Variants in SLC44A4 observed in about 807,000 individuals in gnomAD.
The protein encoded by SLC44A4 is choline transporter-like protein 4.
Under a neutral mutation model 97.0 loss-of-function variants are expected in SLC44A4, and 74 were observed. The observed-to-expected ratio is 0.76, with a 90% CI of 0.63 to 0.93. SLC44A4 has a LOEUF of 0.93. SLC44A4 is among the 40% of genes least tolerant of loss of function. The pLI is 0.00. For missense variants in SLC44A4, 799 were observed against 902.9 expected, an observed-to-expected ratio of 0.88 and a Z score of 1.48; for synonymous variants, 325 against 363.8, an observed-to-expected ratio of 0.89 and a Z score of 1.21.
In SLC44A4 at chr6:31,877,115, G is replaced by GTC. The variant is rs769807146; in HGVS notation, c.41-35_41-34dup. 1.3e-6 allele frequency: 2 copies of GTC among 1,598,476 alleles called. No individual in the cohort carries two copies. The highest frequency in any genetic ancestry group is 2.3e-5 in the South Asian group (2 of 88,542). On this transcript the variant is annotated intron_variant, in intron 1 of 20. Transcript: ENST00000229729. The surrounding 1 kb of genome is among the most constrained non-coding windows in gnomAD (Gnocchi z 6.5). ...ACATGAGAAGAGGTGTGGAGGATGA[G>GTC]TCTCTCTCTGCATATCTTGTCCTGC...
In SLC44A4 at chr6:31,865,740, A is replaced by G. The variant is rs753937134; in HGVS notation, c.1532T>C (p.Leu511Pro). ...CAAGATGACCCGGGCTATCTGCACA[A>G]GGGTCAGGATGAGGGCTCCAAATGC... ...SLAFGALILT[L>P]VQIARVILEY... The change falls in exon 15 of 21, where the codon CTT becomes CCT. Residue 511 changes from leucine to proline, a missense_variant. By Grantham distance (98) the Leu-to-Pro change is moderately conservative (BLOSUM62 -3). Transcript: ENST00000229729. This position sits in a 1 kb window ranked among gnomAD's most constrained non-coding sequence, Gnocchi z 5.2. The G allele has an allele frequency of 1.2e-6, 2 of 1,613,734 alleles. No homozygotes were observed. Among genetic ancestry groups the G allele is most frequent in the Non-Finnish European group, 1.7e-6 (2 of 1,179,960 alleles).
At position 31,865,769 on chromosome 6, in the gene SLC44A4, T is replaced by C. The variant is rs1762827706; in HGVS notation, c.1503A>G (p.Ser501=). 1 of 1,613,732 alleles carries C rather than the reference T, an allele frequency of 6.2e-7. No homozygotes were observed. Among genetic ancestry groups the C allele is most frequent in the Non-Finnish European group, 8.5e-7 (1 of 1,179,938 alleles). Residue 501 remains serine, a synonymous_variant, in exon 15 of 21, where the codon TCA becomes TCG. Coordinates refer to ENST00000229729, the MANE Select transcript of SLC44A4 (RefSeq NM_025257.3). This position sits in a 1 kb window ranked among gnomAD's most constrained non-coding sequence, Gnocchi z 5.2. ...TCAGGATGAGGGCTCCAAATGCCAA[T>C]GACCCAGTGTGGTAACTGCAGAGGG... The part of the protein sequence containing the change: ...FIRTLRYHTG[S]LAFGALILTL...
In SLC44A4 at chr6:31,876,934, C is replaced by G; in HGVS notation, c.89+100G>C. 1 of 1,267,988 alleles carries G rather than the reference C, an allele frequency of 7.9e-7. No homozygotes were observed. Among genetic ancestry groups the G allele is most frequent in the Non-Finnish European group, 1.1e-6 (1 of 914,498 alleles). The allele number at this position is 1,267,988 out of a possible 1,614,324, so 78.5% of individuals were successfully genotyped here. On this transcript the variant is annotated intron_variant, in intron 2 of 20. Transcript: ENST00000229729. The surrounding 1 kb of genome is among the most constrained non-coding windows in gnomAD (Gnocchi z 4.8). ...CTGGGGCAGGAGTTTCTCTTTTTCA[C>G]AAGTTTCCTACTAATATTTTAGCAA... is the stretch of plus-strand genomic sequence containing the variant.
Position 31,869,563 on chromosome 6 carries a change from T to G in SLC44A4, c.1112A>C (p.Tyr371Ser). ...TFVLLLICIA[Y>S]WAMTALYLAT... ...AGGATACAGAGCAGTCATGGCCCAG[T>G]AGGCAATGCAGATGAGGAGGAGGAC... The change falls in exon 12 of 21, where the codon TAC becomes TCC. Residue 371 changes from tyrosine to serine, a missense_variant. Tyr to Ser is a moderately radical substitution (Grantham distance 144, BLOSUM62 -2). Transcript: ENST00000229729. 1 of 1,604,664 alleles carries G rather than the reference T, an allele frequency of 6.2e-7. No homozygotes were observed. Among genetic ancestry groups the G allele is most frequent in the Non-Finnish European group, 8.5e-7 (1 of 1,176,366 alleles).
At chr6:31,867,443 C>T (rs1265498711) in intron 13 of SLC44A4, among the ~76,000 whole-genome samples, 1 of 152,022 alleles carries the variant, frequency 6.6e-6, no homozygotes, top group Non-Finnish European at 1.5e-5. Context: ...ACAACACTCA[C>T]GTCATACCCA....
In SLC44A4 at chr6:31,877,025, A is replaced by G; in HGVS notation, c.89+9T>C. 1 of 1,606,196 alleles carries G rather than the reference A, an allele frequency of 6.2e-7. No homozygotes were observed. The highest frequency in any genetic ancestry group is 8.5e-7 in the Non-Finnish European group (1 of 1,176,814). On this transcript the variant is annotated intron_variant, in intron 2 of 20. Transcript: ENST00000229729. This position sits in a 1 kb window ranked among gnomAD's most constrained non-coding sequence, Gnocchi z 6.5. ...CCCGCCAGCCCCCGGAGCAGTGCCC[A>G]GAGCTCACCTGTTCTTGATGGGGCC...
At position 31,870,937 on chromosome 6, in the gene SLC44A4, T is replaced by C. The variant is rs773193527; in HGVS notation, c.812A>G (p.Tyr271Cys). The C allele has an allele frequency of 5.6e-6, 9 of 1,612,830 alleles. No homozygotes were observed. Among genetic ancestry groups the C allele is most frequent in the Middle Eastern group, 1.6e-4 (1 of 6,084 alleles). Residue 271 changes from tyrosine (Y) to cysteine (C), a missense_variant, in exon 10 of 21, where the codon TAC (tyrosine) becomes TGC (cysteine). Physicochemically the swap from Tyr to Cys is radical, Grantham distance 194. Coordinates refer to ENST00000229729, the MANE Select transcript of SLC44A4 (RefSeq NM_025257.3). ...LILGVLGVLAYGIYYCWEEYR... is the reference protein window; with the variant it reads ...LILGVLGVLACGIYYCWEEYR... ...CTCCTCCCAGCAGTAGTAGATGCCG[T>C]ATGCCAGCACGCCCAGCACTCCCAG...
At chr6:31,864,515 C>A in intron 20 of SLC44A4, 137 bp downstream of exon 20, 1 of 801,520 alleles carries the variant, frequency 1.2e-6, no homozygotes, top group Non-Finnish European at 2.0e-6. Flanking sequence ...CTCAGGATGT[C>A]ACAAGAAGCT....
At position 31,874,969 on chromosome 6, in the gene SLC44A4, A is replaced by G. The variant is rs1763368547; in HGVS notation, c.302T>C (p.Ile101Thr). Residue 101 changes from isoleucine (I) to threonine (T), a missense_variant, in exon 5 of 21, where the codon ATC becomes ACC. This residue lies in a region of SLC44A4 where 409 missense variants were observed against 434.1 expected (regional missense o/e 0.94). Transcript: ENST00000229729. The surrounding 1 kb of genome is among the most constrained non-coding windows in gnomAD (Gnocchi z 4.8). ...IFSCILSSNI[I>T]SVAENGLQCP... ...CTGTAGGCCGTTCTCAGCAACTGAG[A>G]TGATGTTGCTGGACAGGATGCAGCT... 6.2e-7 allele frequency: 1 copy of G among 1,613,502 alleles called. No homozygotes were observed. Among genetic ancestry groups the G allele is most frequent in the African/African-American group, 1.3e-5 (1 of 74,970 alleles).
intron 7 of SLC44A4, among the ~76,000 whole-genome samples, chr6:31,873,814 T>A (rs879305177): frequency 6.6e-6 from 1 of 151,938 alleles, no homozygotes; most frequent in African/African-American, 2.4e-5. Flanking sequence ...GTGGCTCATG[T>A]CTGTAATCCC....
Position 31,863,494 on chromosome 6 carries a change from G to T in SLC44A4, c.*133C>A. On this transcript the variant is annotated 3_prime_UTR_variant, in exon 21 of 21. Coordinates refer to ENST00000229729, the MANE Select transcript of SLC44A4 (RefSeq NM_025257.3). ...GCCCGCCTCAGCCTCTCAAAGTGTT[G>T]GATTACAGGCGTGAGCCACGGCGCC... The T allele has an allele frequency of 7.7e-7, 1 of 1,292,096 alleles. No homozygotes were observed. The highest frequency in any genetic ancestry group is 1.0e-6 in the Non-Finnish European group (1 of 970,504). 80.0% of individuals were successfully genotyped at this position (1,292,096 alleles called of 1,614,324 possible).
rs761715531 is a variant in SLC44A4 at position 31,866,102 on chromosome 6, G to C, written c.1258C>G (p.Pro420Ala). ...PTAHLVNSSC[P>A]GLMCVFQGYS... ...CCCTGGAAGACGCACATCAGCCCTG[G>C]GCACGAGGAGTTCACAAGGTGGGCC... The change falls in exon 14 of 21, where the codon CCA becomes GCA. Residue 420 changes from proline to alanine, a missense_variant. Pro to Ala is a conservative substitution (Grantham distance 27, BLOSUM62 -1). Transcript: ENST00000229729. The C allele has an allele frequency of 1.2e-6, 2 of 1,614,042 alleles. No individual in the cohort carries two copies. Among genetic ancestry groups the C allele is most frequent in the Admixed American group, 1.7e-5 (1 of 60,020 alleles).
At position 31,874,707 on chromosome 6, in the gene SLC44A4, G is replaced by C. The variant is rs1261028042; in HGVS notation, c.468+14C>G. ...CTTCTGGGCGACAGTGATGAGGTTAGGGGCAATATTCACCATATTCCAGGG... is the reference window on the plus strand; with the variant it reads ...CTTCTGGGCGACAGTGATGAGGTTACGGGCAATATTCACCATATTCCAGGG... On this transcript the variant is annotated intron_variant, in intron 6 of 20. Coordinates refer to ENST00000229729, the MANE Select transcript of SLC44A4 (RefSeq NM_025257.3). The surrounding 1 kb of genome is among the most constrained non-coding windows in gnomAD (Gnocchi z 4.8). 1 of 1,602,966 alleles carries C rather than the reference G, an allele frequency of 6.2e-7. No homozygotes were observed. The highest frequency in any genetic ancestry group is 2.2e-5 in the East Asian group (1 of 44,880).
At position 31,874,866 on chromosome 6, in the gene SLC44A4, T is replaced by C. The variant is rs1462622155; in HGVS notation, c.343-20A>G. 1 of 1,612,768 alleles carries C rather than the reference T, an allele frequency of 6.2e-7. No individual in the cohort carries two copies. On this transcript the variant is annotated intron_variant, in intron 5 of 20. Coordinates refer to ENST00000229729, the MANE Select transcript of SLC44A4 (RefSeq NM_025257.3). The surrounding 1 kb of genome is among the most constrained non-coding windows in gnomAD (Gnocchi z 4.8). ...ACACACCTGGGTGCAGAGAGAACAC[T>C]AAGGGGCTGGAACCTGAGACCCTGG...
At chr6:31,867,167 C>T (rs769227442) in intron 13 of SLC44A4, among the ~76,000 whole-genome samples, 7 of 151,942 alleles carry the variant, frequency 4.6e-5, no homozygotes, top group Non-Finnish European at 7.4e-5. Flanking sequence ...GCAACCTCTG[C>T]CTCCCGTGTT....
chr6:31,863,418 G>A lies in SLC44A4; in HGVS notation c.*209C>T, dbSNP rs1762656030. 1.3e-5 allele frequency: 7 copies of A among 556,552 alleles called. 1 individual carries two copies. In the South Asian group the frequency reaches 1.9e-4, roughly 15 times the overall value. 34.5% of individuals were successfully genotyped at this position (556,552 alleles called of 1,614,324 possible). A position where few individuals can be genotyped will look rare whatever the true frequency, so the allele number is the denominator to read the frequency against. On this transcript the variant is annotated 3_prime_UTR_variant, in exon 21 of 21. Coordinates refer to ENST00000229729, the MANE Select transcript of SLC44A4 (RefSeq NM_025257.3). ...TTTTTGTATTTTTAATAGAGACGGA[G>A]GTTTCACCATGTTGGCCAGGCTGGT...
At chr6:31,868,044 C>T (rs1177661021) in intron 13 of SLC44A4, among the ~76,000 whole-genome samples, 1 of 152,158 alleles carries the variant, frequency 6.6e-6, no homozygotes, top group Non-Finnish European at 1.5e-5. Context: ...TCTCAAACTC[C>T]TGACCTCAGG....
chr6:31,878,298 C>G lies in SLC44A4; in HGVS notation c.40+643G>C, dbSNP rs1033745750. Among the ~76,000 whole-genome samples, 15 of 151,978 alleles carry G rather than the reference C, an allele frequency of 9.9e-5. No homozygotes were observed. The highest frequency in any genetic ancestry group is 3.4e-4 in the African/African-American group (14 of 41,348). On this transcript the variant is annotated intron_variant, in intron 1 of 20. Transcript: ENST00000229729. This position sits in a 1 kb window ranked among gnomAD's most constrained non-coding sequence, Gnocchi z 4.0. The stretch of plus-strand genomic sequence containing the variant: ...TGCTCCTAGCTCCTCACAGAGACCC[C>G]TAGGCAGGACCCCAGCCCCCTTTCC...
intron 13 of SLC44A4, among the ~76,000 whole-genome samples, chr6:31,866,848 C>T (rs374786573): frequency 6.0e-5 from 9 of 150,714 alleles, no homozygotes; most frequent in African/African-American, 1.7e-4. Flanking sequence ...GGGCCGAGAT[C>T]GCGCCACTGC....
Sources: gnomAD v4.1 joint callset for allele counts (sites outside exome capture counted in the v4.1 genomes callset) on GRCh38, gnomAD v4.1.1 for gene constraint, gnomAD v4.1.1 regional missense constraint, Gnocchi (gnomAD v3.1) non-coding constraint, MANE v1.5 for transcripts, NCBI Gene and HGNC (gene_info 2026-07-23, HGNC 2026-07-21) for gene names.